The following PRKAR1B variants were observed in gnomAD, a reference collection of about 807,000 sequenced individuals.
PRKAR1B encodes the protein cAMP-dependent protein kinase type I-beta regulatory subunit.
A neutral mutation model predicts 46.5 loss-of-function variants in PRKAR1B; 22 were observed. The observed-to-expected ratio is 0.47, with a 90% CI of 0.34 to 0.68. The LOEUF is 0.68. PRKAR1B is among the 30% of genes least tolerant of loss of function. The pLI is 0.01. For missense variants in PRKAR1B, 445 were observed against 535.6 expected (o/e 0.83, Z 1.67); for synonymous variants, 259 against 217.7 (o/e 1.19, Z -1.67).
intron 6 of PRKAR1B, among the ~76,000 whole-genome samples, chr7:604,838 GGGGCAGGTGGACAAGGAGAA>G (rs1038637790): frequency 1.4e-4 from 21 of 152,240 alleles, no homozygotes; most frequent in African/African-American, 4.8e-4. Flanking sequence ...GCCACCTCCT[GGGGCAGGTGGACAAGGAGAA>G]GGGCAGGCGG....
intron 4 of PRKAR1B, among the ~76,000 whole-genome samples, chr7:650,589 T>C (rs1784852583): frequency 6.6e-6 from 1 of 152,146 alleles, no homozygotes; most frequent in African/African-American, 2.4e-5. Flanking sequence ...CGTCCCGCCA[T>C]TGCCACCCGA....
At chr7:598,919 C>G (rs566650760) in intron 6 of PRKAR1B, among the ~76,000 whole-genome samples, 3 of 152,358 alleles carry the variant, frequency 2.0e-5, no homozygotes, top group Admixed American at 2.0e-4. Context: ...GATGGGGGCT[C>G]TGGGAGCAGA....
chr7:695,520 A>C (rs1231272319), intron 2 of PRKAR1B, among the ~76,000 whole-genome samples: 2 of 152,140 alleles, frequency 1.3e-5, no homozygotes, highest in Non-Finnish European at 2.9e-5. Context: ...CATGATGGAG[A>C]CTGCAGTGGA....
intron 6 of PRKAR1B, among the ~76,000 whole-genome samples, chr7:597,477 G>A (rs1781329930): frequency 1.3e-5 from 2 of 152,202 alleles, no homozygotes; most frequent in Non-Finnish European, 2.9e-5. Context: ...TTCCTGGAGG[G>A]AGGCTGGAGC....
rs572840748 is a variant in PRKAR1B, at chr7:563,719, T to C, written c.892-12249A>G. On this transcript the variant is annotated intron_variant, in intron 9 of 10. Transcript: ENST00000537384. Reference sequence around the variant, plus strand: ...TGTGCGGTGTGTGCATGTGTGTGTGTGCATGGGTCTGCTTGGAGTGTGTAT... The same window carrying C: ...TGTGCGGTGTGTGCATGTGTGTGTGCGCATGGGTCTGCTTGGAGTGTGTAT... 4.6e-5 allele frequency among the ~76,000 whole-genome samples: 7 copies of C among 152,172 alleles called. No individual in the cohort carries two copies. The East Asian group carries it at 7.7e-4, about 17-fold the overall frequency.
In PRKAR1B at chr7:680,739, G is replaced by A. The variant is rs751507796; in HGVS notation, c.178-13C>T. 6.2e-7 allele frequency: 1 copy of A among 1,613,676 alleles called. No homozygotes were observed. Among genetic ancestry groups the A allele is most frequent in the Non-Finnish European group, 8.5e-7 (1 of 1,179,938 alleles). On this transcript the variant is annotated splice_polypyrimidine_tract_variant and intron_variant, in intron 2 of 10. Transcript: ENST00000537384. ...GCCTGTTTTCTTCCTGTGTGGGAGA[G>A]GAAAACACAGAAAGGAAGTAAGAAC...
chr7:639,282 C>T (rs1425618235), intron 4 of PRKAR1B, among the ~76,000 whole-genome samples: 7 of 152,174 alleles, frequency 4.6e-5, no homozygotes. Context: ...TCCACCCTTA[C>T]ATTTGTGGTC....
chr7:655,844 G>A (rs1368930910), intron 4 of PRKAR1B, among the ~76,000 whole-genome samples: 1 of 152,182 alleles, frequency 6.6e-6, no homozygotes, highest in Admixed American at 6.5e-5. Flanking sequence ...TCCAACCTCA[G>A]TTACCCTCTG....
chr7:680,587 G>A lies in PRKAR1B; in HGVS notation c.317C>T (p.Thr106Ile), dbSNP rs1168379229. 6.2e-7 allele frequency: 1 copy of A among 1,611,916 alleles called. No homozygotes were observed. The highest frequency in any genetic ancestry group is 1.7e-5 in the Admixed American group (1 of 59,942). Residue 106 changes from threonine to isoleucine, a missense_variant, in exon 3 of 11, where the codon ACC (threonine) becomes ATC (isoleucine). Coordinates refer to ENST00000537384, the MANE Select transcript of PRKAR1B (RefSeq NM_001164760.2). Reference protein sequence around the residue: ...RRGGVSAEVYTEEDAVSYVRK... With the variant: ...RRGGVSAEVYIEEDAVSYVRK... ...GACGTAGGACACGGCGTCCTCCTCG[G>A]TGTACACCTCGGCACTCACGCCTCC...
chr7:557,291 G>A (rs1205553922), intron 9 of PRKAR1B, among the ~76,000 whole-genome samples: 4 of 152,248 alleles, frequency 2.6e-5, no homozygotes, highest in African/African-American at 9.6e-5. Flanking sequence ...GCCCCTGGTG[G>A]AGCCACGACT....
At position 583,065 on chromosome 7, in the gene PRKAR1B, G is replaced by A. The variant is rs1030113182; in HGVS notation, c.769+1443C>T. ...TCCGGGGGCTGCCAGGGCCGGGAGGGCAGGGGGGGTGACGGCTCACAGGGA... is the reference window on the plus strand; with the variant it reads ...TCCGGGGGCTGCCAGGGCCGGGAGGACAGGGGGGGTGACGGCTCACAGGGA... On this transcript the variant is annotated intron_variant, in intron 8 of 10. Transcript: ENST00000537384. 5.3e-4 allele frequency among the ~76,000 whole-genome samples: 80 copies of A among 152,152 alleles called. 2 individuals carry two copies. The highest frequency in any genetic ancestry group is 1.9e-3 in the African/African-American group (78 of 41,534).
At chr7:551,761 CG>C (rs1471254394) in intron 9 of PRKAR1B, among the ~76,000 whole-genome samples, 1 of 146,416 alleles carries the variant, frequency 6.8e-6, no homozygotes, top group Non-Finnish European at 1.5e-5. Flanking sequence ...CCCCACCTCC[CG>C]CCCGGGTCCT....
At chr7:688,228 C>G (rs1457597289) in intron 2 of PRKAR1B, among the ~76,000 whole-genome samples, 1 of 151,904 alleles carries the variant, frequency 6.6e-6, no homozygotes, top group African/African-American at 2.4e-5. Flanking sequence ...TGGCAAAACC[C>G]CATCTCTACT....
intron 4 of PRKAR1B, among the ~76,000 whole-genome samples, chr7:614,733 G>A (rs1278255279): frequency 6.6e-6 from 1 of 152,182 alleles, no homozygotes; most frequent in Non-Finnish European, 1.5e-5. Context: ...CCAACATGGT[G>A]AAACCCTGTC....
chr7:638,298 G>A, intron 4 of PRKAR1B, among the ~76,000 whole-genome samples: 1 of 152,216 alleles, frequency 6.6e-6, no homozygotes, highest in East Asian at 1.9e-4. Context: ...CCCTAAACAG[G>A]TCCCGGAGGC....
intron 10 of PRKAR1B, among the ~76,000 whole-genome samples, chr7:550,803 T>C (rs775699032): frequency 5.9e-5 from 9 of 152,236 alleles, no homozygotes; most frequent in Non-Finnish European, 1.2e-4. Context: ...TTGTTTATTA[T>C]CTGAAATTCA....
intron 4 of PRKAR1B, among the ~76,000 whole-genome samples, chr7:676,452 G>A (rs1778300106): frequency 6.6e-6 from 1 of 152,188 alleles, no homozygotes; most frequent in Non-Finnish European, 1.5e-5. Flanking sequence ...GAGGCTGTGA[G>A]CTTAGCAACG....
intron 7 of PRKAR1B, among the ~76,000 whole-genome samples, chr7:589,396 G>C (rs1427822196): frequency 6.6e-6 from 1 of 151,858 alleles, no homozygotes; most frequent in Non-Finnish European, 1.5e-5. Flanking sequence ...AACAGCTGCT[G>C]ACCCAGCCCT....
chr7:600,587 G>T (rs139193923), intron 6 of PRKAR1B, among the ~76,000 whole-genome samples: 6 of 152,322 alleles, frequency 3.9e-5, no homozygotes, highest in Admixed American at 1.3e-4. Context: ...GCCCTGCTCC[G>T]GGGTACACCC....
Sources: allele counts gnomAD v4.1 joint callset (sites outside exome capture counted in the v4.1 genomes callset), GRCh38; gene constraint gnomAD v4.1.1; transcripts MANE v1.5; gene names NCBI Gene and HGNC (gene_info 2026-07-23, HGNC 2026-07-21).